The following PRICKLE2 variants were observed in gnomAD, a reference collection of about 807,000 sequenced individuals.
The protein encoded by PRICKLE2 is prickle planar cell polarity protein 2.
A neutral mutation model predicts 81.4 loss-of-function variants in PRICKLE2; 21 were observed. The observed-to-expected ratio is 0.26, with a 90% CI of 0.18 to 0.37. The LOEUF (loss-of-function observed/expected upper bound fraction) is 0.37. Ranked by LOEUF, PRICKLE2 falls within the 10% of genes least tolerant of loss-of-function variation. PRICKLE2 has a pLI of 1.00. For missense variants in PRICKLE2, 940 were observed against 1,109.0 expected, an observed-to-expected ratio of 0.85 and a Z score of 2.16; for synonymous variants, 456 against 421.5, an observed-to-expected ratio of 1.08 and a Z score of -1.00.
upstream of PRICKLE2, among the ~76,000 whole-genome samples, chr3:64,225,772 C>G (rs2079022916): frequency 6.6e-6 from 1 of 151,990 alleles, no homozygotes; most frequent in South Asian, 2.1e-4. Context: ...GATCTGGGCA[C>G]AATTATCAAC....
chr3:64,146,781 C>A (rs774088637), intron 7 of PRICKLE2, 49 bp downstream of exon 7: 4 of 1,608,892 alleles, frequency 2.5e-6, no homozygotes, highest in Non-Finnish European at 3.4e-6. Flanking sequence ...CATCCAGTCA[C>A]CCAGAGACTA....
At chr3:64,125,788 GT>G (rs1559524319) in intron 7 of PRICKLE2, among the ~76,000 whole-genome samples, 2 of 152,160 alleles carry the variant, frequency 1.3e-5, no homozygotes, top group Non-Finnish European at 2.9e-5. Context: ...CTATTGAGGT[GT>G]TTTAGAACTG....
In PRICKLE2 at chr3:64,244,548, G is replaced by A. The variant is rs185296334; in HGVS notation, c.129-45581C>T. 1.5e-3 allele frequency among the ~76,000 whole-genome samples: 226 copies of A among 151,794 alleles called. 1 individual carries two copies. The highest frequency in any genetic ancestry group is 5.3e-3 in the African/African-American group (218 of 41,430). Reference sequence around the variant, plus strand: ...GACATTCTGATGTTGGCCACTAGGTGATGATGATAAAAGGGGAAACTATGA... The same window carrying A: ...GACATTCTGATGTTGGCCACTAGGTAATGATGATAAAAGGGGAAACTATGA... On this transcript the variant is annotated intron_variant, in intron 2 of 8. Transcript: ENST00000295902.
intron 7 of PRICKLE2, among the ~76,000 whole-genome samples, chr3:64,107,005 T>A (rs562726687): frequency 9.8e-5 from 15 of 152,350 alleles, no homozygotes; most frequent in African/African-American, 3.4e-4. Flanking sequence ...CCCTGCCAAA[T>A]AATGCAGGCT....
intron 2 of PRICKLE2, among the ~76,000 whole-genome samples, chr3:64,179,383 C>A (rs532390780): frequency 6.6e-6 from 1 of 152,154 alleles, no homozygotes; most frequent in East Asian, 1.9e-4. Context: ...GCCTAACATA[C>A]GTATTTTCTC....
chr3:64,119,880 A>C (rs2076998318), intron 7 of PRICKLE2, among the ~76,000 whole-genome samples: 1 of 152,246 alleles, frequency 6.6e-6, no homozygotes. Flanking sequence ...GCAGCCATAA[A>C]AAAGTATGAG....
At chr3:64,184,609 G>A (rs1404579689) in intron 2 of PRICKLE2, among the ~76,000 whole-genome samples, 3 of 151,782 alleles carry the variant, frequency 2.0e-5, no homozygotes, top group Admixed American at 6.6e-5. Flanking sequence ...GAATGGCTGG[G>A]GCTACAGGCC....
intron 1 of PRICKLE2, among the ~76,000 whole-genome samples, chr3:64,217,046 T>C (rs1268539710): frequency 6.6e-6 from 1 of 152,214 alleles, no homozygotes; most frequent in Non-Finnish European, 1.5e-5. Flanking sequence ...GGGAGAGCTG[T>C]AGCTGAGGGC....
chr3:64,173,111 C>T (rs547902919), intron 2 of PRICKLE2, among the ~76,000 whole-genome samples: 2 of 152,222 alleles, frequency 1.3e-5, no homozygotes, highest in African/African-American at 2.4e-5. Flanking sequence ...TTATATTTGG[C>T]AGAGGGTATA....
chr3:64,140,159 C>T (rs896231979), intron 7 of PRICKLE2, among the ~76,000 whole-genome samples: 3 of 152,112 alleles, frequency 2.0e-5, no homozygotes, highest in African/African-American at 7.2e-5. Flanking sequence ...CACATTACAA[C>T]CCTGAAAAGT....
At chr3:64,220,970 G>A (rs974317603) in intron 1 of PRICKLE2, among the ~76,000 whole-genome samples, 3 of 152,174 alleles carry the variant, frequency 2.0e-5, no homozygotes, top group African/African-American at 7.2e-5. Context: ...TGGAAAACAT[G>A]TGCAGTGCTT....
intron 7 of PRICKLE2, among the ~76,000 whole-genome samples, chr3:64,126,759 G>A (rs534316943): frequency 6.6e-6 from 1 of 152,044 alleles, no homozygotes; most frequent in Non-Finnish European, 1.5e-5. Flanking sequence ...TGTATTTTTA[G>A]TGGAGACGGG....
At chr3:64,266,976 C>T (rs1015066299) in intron 2 of PRICKLE2, among the ~76,000 whole-genome samples, 21 of 150,062 alleles carry the variant, frequency 1.4e-4, no homozygotes, top group Non-Finnish European at 2.4e-4. Flanking sequence ...CCTCTGCATT[C>T]GATTCTCAAC....
intron 2 of PRICKLE2, among the ~76,000 whole-genome samples, chr3:64,259,022 G>A (rs2079576705): frequency 6.6e-6 from 1 of 152,004 alleles, no homozygotes; most frequent in Non-Finnish European, 1.5e-5. Flanking sequence ...TCATTCAGCT[G>A]AACACCTATG....
In PRICKLE2 at chr3:64,133,338, C is replaced by T. The variant is rs78182654; in HGVS notation, c.1660+13492G>A. ...GGGGAGCTTGATGGGAAGCTCAGGC[C>T]GGGTTCGAATTTTTCTCCTGGAAGA... On this transcript the variant is annotated intron_variant, in intron 7 of 7. Transcript: ENST00000638394. 6.6e-3 allele frequency among the ~76,000 whole-genome samples: 1,011 copies of T among 152,120 alleles called. 15 individuals carry two copies. The highest frequency in any genetic ancestry group is 0.023 in the African/African-American group (948 of 41,488).
At chr3:64,236,551 C>G (rs2079182841) in intron 2 of PRICKLE2, among the ~76,000 whole-genome samples, 3 of 152,208 alleles carry the variant, frequency 2.0e-5, no homozygotes, top group Admixed American at 2.0e-4. Context: ...TCCCTCAAAC[C>G]ATTGAACTGG....
At chr3:64,143,705 TA>T (rs964290181) in intron 7 of PRICKLE2, among the ~76,000 whole-genome samples, 4 of 152,154 alleles carry the variant, frequency 2.6e-5, no homozygotes, top group African/African-American at 7.2e-5. Flanking sequence ...TGCAAGGGGT[TA>T]GGGGGAGGCC....
At chr3:64,173,229 T>C (rs1276269417) in intron 2 of PRICKLE2, among the ~76,000 whole-genome samples, 3 of 152,186 alleles carry the variant, frequency 2.0e-5, no homozygotes, top group Non-Finnish European at 4.4e-5. Context: ...AGGTACTGAT[T>C]TGTAGCATTT....
chr3:64,209,092 T>C (rs2078742550), intron 1 of PRICKLE2, among the ~76,000 whole-genome samples: 1 of 152,040 alleles, frequency 6.6e-6, no homozygotes, highest in Admixed American at 6.5e-5. Context: ...TACATACATA[T>C]CTATCCATCC....
Sources: gnomAD v4.1 joint callset for allele counts (sites outside exome capture counted in the v4.1 genomes callset) on GRCh38, gnomAD v4.1.1 for gene constraint, MANE v1.5 for transcripts, NCBI Gene and HGNC (gene_info 2026-07-23, HGNC 2026-07-21) for gene names.